Variants in RBFOX2 observed in about 807,000 individuals in gnomAD.
RBFOX2 encodes RNA binding fox-1 homolog 2.
A neutral mutation model predicts 49.1 loss-of-function variants in RBFOX2; 10 were observed. The ratio of observed to expected loss-of-function variants is 0.20; its 90% confidence interval spans 0.13 to 0.35. The LOEUF is 0.35. RBFOX2 is among the 10% of genes least tolerant of loss of function. RBFOX2 has a pLI of 1.00. For synonymous variants in RBFOX2, 183 were observed against 187.4 expected, an observed-to-expected ratio of 0.98 and a Z score of 0.19; for missense variants, 323 against 486.9, an observed-to-expected ratio of 0.66 and a Z score of 3.17.
intron 1 of RBFOX2, among the ~76,000 whole-genome samples, chr22:35,966,961 T>C (rs959416825): frequency 1.3e-5 from 2 of 151,326 alleles, no homozygotes; most frequent in African/African-American, 4.9e-5. Context: ...AATAGGCACA[T>C]GGCATTATGC....
chr22:35,768,369 G>A lies in RBFOX2; in HGVS notation c.454-20C>T, dbSNP rs746450271. 6.3e-7 allele frequency: 1 copy of A among 1,599,218 alleles called. No individual in the cohort carries two copies. The highest frequency in any genetic ancestry group is 8.6e-7 in the Non-Finnish European group (1 of 1,166,732). On this transcript the variant is annotated intron_variant, in intron 4 of 11. Transcript: ENST00000405409. ...GAATCCCTGCATGCAGCGGGAGAAG[G>A]GGGGAAAACATGCACATCGTTATAT...
At chr22:35,828,062 G>A (rs948240286) in intron 1 of RBFOX2, among the ~76,000 whole-genome samples, 2 of 151,726 alleles carry the variant, frequency 1.3e-5, no homozygotes, top group Non-Finnish European at 2.9e-5. Flanking sequence ...TTGGGAGGCT[G>A]AGGCAGGAGA....
At chr22:35,748,131 C>T (rs1474222363) in intron 9 of RBFOX2, 1 of 152,076 alleles carries the variant, frequency 6.6e-6, no homozygotes, top group African/African-American at 2.4e-5. Flanking sequence ...AAATTTATTC[C>T]TGCTCTTCAA....
chr22:35,978,626 G>C (rs1205124010), intron 1 of RBFOX2, among the ~76,000 whole-genome samples: 2 of 152,290 alleles, frequency 1.3e-5, no homozygotes, highest in South Asian at 2.1e-4. Flanking sequence ...ATGGGGACAG[G>C]TCAAAAGGAC....
In RBFOX2 at chr22:35,898,044, C is replaced by T. The variant is rs770312293; in HGVS notation, c.-34+40803G>A. 1.9e-4 allele frequency: 140 copies of T among 726,832 alleles called. 1 individual carries two copies. Among genetic ancestry groups the T allele is most frequent in the Middle Eastern group, 1.2e-3 (5 of 4,074 alleles). The allele number at this position is 726,832 out of a possible 1,614,324, so 45.0% of individuals were successfully genotyped here. ...GATTTATGACCACATTGCTGTGTTC[C>T]ACTACTCGTCAGATAGAATCTTTAT... On this transcript the variant is annotated intron_variant, in intron 1 of 13. Transcript: ENST00000359369.
At chr22:35,789,504 T>A (rs952232758) in intron 2 of RBFOX2, among the ~76,000 whole-genome samples, 1 of 152,088 alleles carries the variant, frequency 6.6e-6, no homozygotes, top group African/African-American at 2.4e-5. Flanking sequence ...GATCGCACCA[T>A]TGCACTCTAG....
chr22:35,745,982 A>G (rs753263523), exon 11 of RBFOX2: 2 of 1,613,684 alleles, frequency 1.2e-6, no homozygotes, highest in Non-Finnish European at 1.7e-6. Flanking sequence ...TCGGCTGTGT[A>G]CACCCTGCCA....
In RBFOX2 at chr22:35,902,813, T is replaced by TAA. The variant is rs761309734; in HGVS notation, c.-34+36032_-34+36033dup. Among the ~76,000 whole-genome samples, 557 of 128,710 alleles carry TAA rather than the reference T, an allele frequency of 4.3e-3. 3 individuals are homozygous for TAA. The highest frequency in any genetic ancestry group is 0.015 in the African/African-American group (525 of 35,038). The allele number at this position is 128,710 out of a possible 152,430, so 84.4% of individuals were successfully genotyped here. ...GCACATGCCACCACGCCCAGCTAAT[T>TAA]AAAAAAAAAAAAAAAAAATTTAGAG... On this transcript the variant is annotated intron_variant, in intron 1 of 13. Coordinates refer to the RBFOX2 transcript ENST00000359369.
chr22:35,949,010 CTT>C (rs1356152820), intron 1 of RBFOX2, among the ~76,000 whole-genome samples: 1 of 152,154 alleles, frequency 6.6e-6, no homozygotes, highest in East Asian at 1.9e-4. Flanking sequence ...CAGCATTCTA[CTT>C]TGTCTCCATC....
In RBFOX2 at chr22:35,970,698, C is replaced by T. The variant is rs74277046; in HGVS notation, c.187-31801G>A. Among the ~76,000 whole-genome samples, 51 of 152,124 alleles carry T rather than the reference C, an allele frequency of 3.4e-4. No individual in the cohort carries two copies. In the East Asian group the frequency reaches 4.8e-3, roughly 14 times the overall value. On this transcript the variant is annotated intron_variant, in intron 1 of 13. Coordinates refer to the RBFOX2 transcript ENST00000438146. Reference sequence around the variant, plus strand: ...AAGAAGAAGAAATGTGATCATGGTGCTTACGAGAGGACAAAAGGGACACAA... The same window carrying T: ...AAGAAGAAGAAATGTGATCATGGTGTTTACGAGAGGACAAAAGGGACACAA...
At chr22:35,762,335 T>C (rs1939188484) in intron 6 of RBFOX2, among the ~76,000 whole-genome samples, 1 of 152,044 alleles carries the variant, frequency 6.6e-6, no homozygotes, top group African/African-American at 2.4e-5. Flanking sequence ...AAAGTAGAAT[T>C]CCACATGAAA....
intron 1 of RBFOX2, among the ~76,000 whole-genome samples, chr22:35,920,774 C>T (rs1006962816): frequency 6.6e-6 from 1 of 152,100 alleles, no homozygotes; most frequent in Non-Finnish European, 1.5e-5. Context: ...TGGCATGAAA[C>T]GATGTTTATA....
intron 1 of RBFOX2, among the ~76,000 whole-genome samples, chr22:35,951,726 T>C: frequency 6.6e-6 from 1 of 152,234 alleles, no homozygotes; most frequent in East Asian, 1.9e-4. Context: ...ACTAAAACCC[T>C]GTGATATATC....
chr22:35,918,538 CG>C (rs1320921831), intron 1 of RBFOX2, among the ~76,000 whole-genome samples: 1 of 152,086 alleles, frequency 6.6e-6, no homozygotes, highest in African/African-American at 2.4e-5. Flanking sequence ...CTTCACTGGA[CG>C]AATCATATAG....
intron 1 of RBFOX2, among the ~76,000 whole-genome samples, chr22:35,852,062 TA>T (rs68083039): frequency 3.3e-5 from 5 of 151,546 alleles, no homozygotes; most frequent in Admixed American, 6.6e-5. Flanking sequence ...TGAAAAGCAA[TA>T]AAAAAAACCC....
At chr22:35,793,827 T>A (rs921103039) in intron 2 of RBFOX2, among the ~76,000 whole-genome samples, 1 of 152,230 alleles carries the variant, frequency 6.6e-6, no homozygotes, top group African/African-American at 2.4e-5. Context: ...CTTTTTTTAA[T>A]AAACGAGTAA....
intron 1 of RBFOX2, among the ~76,000 whole-genome samples, chr22:35,896,324 C>G (rs1232830088): frequency 2.0e-5 from 3 of 152,196 alleles, no homozygotes; most frequent in African/African-American, 7.2e-5. Flanking sequence ...AAAACATTCT[C>G]AAACGGTAAC....
At chr22:35,916,434 AC>A (rs948526957) in intron 1 of RBFOX2, among the ~76,000 whole-genome samples, 11 of 152,148 alleles carry the variant, frequency 7.2e-5, no homozygotes, top group African/African-American at 2.4e-4. Flanking sequence ...GGCATGGGCC[AC>A]CAAACCCGGC....
rs554199860 is a variant in RBFOX2 at position 35,986,567 on chromosome 22, T to C, written c.186+41673A>G. Among the ~76,000 whole-genome samples the C allele has an allele frequency of 3.9e-5, 6 of 152,324 alleles. No homozygotes were observed. The East Asian group carries it at 1.2e-3, about 29-fold the overall frequency. On this transcript the variant is annotated intron_variant, in intron 1 of 13. Transcript: ENST00000438146. ...AACTTGAAAGCAGACAATGTTTTCA[T>C]ACTGTCCTTAGCAAAGGAAAAAGAA... is the stretch of plus-strand genomic sequence containing the variant.
Sources: allele counts gnomAD v4.1 joint callset (sites outside exome capture counted in the v4.1 genomes callset), GRCh38; gene constraint gnomAD v4.1.1; transcripts MANE v1.5; gene names NCBI Gene and HGNC (gene_info 2026-07-23, HGNC 2026-07-21).